The following PRDM2 variants were observed in gnomAD, a reference collection of about 807,000 sequenced individuals.
PRDM2 encodes PR domain zinc finger protein 2.
A neutral mutation model predicts 130.0 loss-of-function variants in PRDM2; 30 were observed. The observed-to-expected ratio is 0.23, with a 90% CI of 0.17 to 0.31. The LOEUF is 0.31. PRDM2 is among the 10% of genes least tolerant of loss of function. The pLI is 1.00. For missense variants in PRDM2, 2,011 were observed against 2,108.4 expected (o/e 0.95, Z 0.90); for synonymous variants, 871 against 782.4 (o/e 1.11, Z -1.89).
intron 4 of PRDM2, among the ~76,000 whole-genome samples, chr1:13,734,484 A>G (rs1643207678): frequency 6.6e-6 from 1 of 152,190 alleles, no homozygotes; most frequent in African/African-American, 2.4e-5. Flanking sequence ...ATTTTATCCC[A>G]TGTAACAACT....
chr1:13,706,770 G>T (rs77092839), intron 1 of PRDM2, among the ~76,000 whole-genome samples: 1 of 151,782 alleles, frequency 6.6e-6, no homozygotes, highest in African/African-American at 2.4e-5. Flanking sequence ...TTTATTTTGA[G>T]GAAATATACA....
intron 6 of PRDM2, among the ~76,000 whole-genome samples, chr1:13,750,779 T>G (rs1042745292): frequency 2.0e-5 from 3 of 152,022 alleles, no homozygotes; most frequent in African/African-American, 4.8e-5. Flanking sequence ...ATTCCCAGTT[T>G]TTTTTTTTTT....
Position 13,781,225 on chromosome 1 carries a change from C to T in PRDM2, c.3430C>T (p.Leu1144Phe), listed in dbSNP as rs757110696. Reference sequence around the variant, plus strand: ...TTGCAACGTCTGTGAATCACCTTTTCTTTCCATTAAAGATCTAACCAAACA... The same window carrying T: ...TTGCAACGTCTGTGAATCACCTTTTTTTTCCATTAAAGATCTAACCAAACA... ...FVCNVCESPF[L>F]SIKDLTKHLS... The change falls in exon 8 of 10, where the codon CTT becomes TTT. Residue 1144 changes from leucine (L) to phenylalanine (F), a missense_variant. Physicochemically the swap from Leu to Phe is conservative, Grantham distance 22. Transcript: ENST00000311066. This position sits in a 1 kb window ranked among gnomAD's most constrained non-coding sequence, Gnocchi z 6.1. 6.2e-7 allele frequency: 1 copy of T among 1,614,218 alleles called. No homozygotes were observed. The highest frequency in any genetic ancestry group is 1.1e-5 in the South Asian group (1 of 91,076).
At chr1:13,758,338 T>C (rs1311887716) in intron 6 of PRDM2, among the ~76,000 whole-genome samples, 1 of 150,950 alleles carries the variant, frequency 6.6e-6, no homozygotes, top group Non-Finnish European at 1.5e-5. Context: ...TACTAGCTAC[T>C]CGGGAGGCTG....
chr1:13,706,791 A>C (rs1642223779), intron 1 of PRDM2, among the ~76,000 whole-genome samples: 1 of 151,796 alleles, frequency 6.6e-6, no homozygotes, highest in African/African-American at 2.4e-5. Flanking sequence ...TTTTTTTTCC[A>C]AAAAAAGCTT....
intron 8 of PRDM2, among the ~76,000 whole-genome samples, chr1:13,808,241 C>T (rs1257413582): frequency 2.0e-5 from 3 of 152,084 alleles, no homozygotes; most frequent in Non-Finnish European, 2.9e-5. Flanking sequence ...CCTGTAATCC[C>T]CACACTTTGG....
In PRDM2 at chr1:13,823,310, C is replaced by T. The variant is rs1005545337; in HGVS notation, c.*175C>T. 79 of 1,132,308 alleles carry T rather than the reference C, an allele frequency of 7.0e-5. No homozygotes were observed. Among genetic ancestry groups the T allele is most frequent in the Non-Finnish European group, 9.1e-5 (70 of 769,730 alleles). The allele number at this position is 1,132,308 out of a possible 1,614,324, so 70.1% of individuals were successfully genotyped here. On this transcript the variant is annotated 3_prime_UTR_variant, in exon 10 of 10. Coordinates refer to ENST00000311066, the MANE Select transcript of PRDM2 (RefSeq NM_001393986.1). The stretch of plus-strand genomic sequence containing the variant: ...GCGTGCGTGTGTGTTCACGTGTTCT[C>T]GTGCGGGCGCGTGAGTGGTCTTCAA...
intron 8 of PRDM2, among the ~76,000 whole-genome samples, chr1:13,790,384 G>T (rs1644820283): frequency 1.3e-5 from 2 of 152,142 alleles, no homozygotes; most frequent in Admixed American, 6.5e-5. Context: ...GGGCATCAGG[G>T]TTATTCTGAA....
At position 13,781,226 on chromosome 1, in the gene PRDM2, T is replaced by C; in HGVS notation, c.3431T>C (p.Leu1144Pro). 1 of 1,614,240 alleles carries C rather than the reference T, an allele frequency of 6.2e-7. No homozygotes were observed. Among genetic ancestry groups the C allele is most frequent in the Non-Finnish European group, 8.5e-7 (1 of 1,180,038 alleles). Residue 1144 changes from leucine (L) to proline (P), a missense_variant, in exon 8 of 10, where the codon CTT becomes CCT. This residue lies in a region of PRDM2 where 229 missense variants were observed against 364.1 expected (regional missense o/e 0.63). Coordinates refer to ENST00000311066, the MANE Select transcript of PRDM2 (RefSeq NM_001393986.1). The surrounding 1 kb of genome is among the most constrained non-coding windows in gnomAD (Gnocchi z 6.1). The stretch of plus-strand genomic sequence containing the variant: ...TGCAACGTCTGTGAATCACCTTTTC[T>C]TTCCATTAAAGATCTAACCAAACAT... ...FVCNVCESPF[L>P]SIKDLTKHLS... is the part of the protein sequence containing the mutation.
chr1:13,707,821 C>CTT (rs200792048), intron 1 of PRDM2, among the ~76,000 whole-genome samples: 5 of 138,312 alleles, frequency 3.6e-5, no homozygotes, highest in South Asian at 2.3e-4. Flanking sequence ...GACAATAATT[C>CTT]TTTTTTTTTT....
At chr1:13,715,369 A>G (rs1409870271) in intron 1 of PRDM2, among the ~76,000 whole-genome samples, 172 bp from the exon 2 acceptor site, 8 of 152,238 alleles carry the variant, frequency 5.3e-5, no homozygotes, top group Admixed American at 5.2e-4. Flanking sequence ...AATCTATTTT[A>G]CTGGAGATAA....
chr1:13,803,063 C>T lies in PRDM2; in HGVS notation c.5037-13364C>T, dbSNP rs1318175612. Among the ~76,000 whole-genome samples, 1 of 152,172 alleles carries T rather than the reference C, an allele frequency of 6.6e-6. No individual in the cohort carries two copies. Among genetic ancestry groups the T allele is most frequent in the Non-Finnish European group, 1.5e-5 (1 of 68,024 alleles). On this transcript the variant is annotated intron_variant, in intron 8 of 9. Transcript: ENST00000311066. This position sits in a 1 kb window ranked among gnomAD's most constrained non-coding sequence, Gnocchi z 6.2. Reference sequence around the variant, plus strand: ...GTGTTTCCAGCCGAGGTGACATTCTCCAGACTTGAACCCCTGTGCTGAATG... The same window carrying T: ...GTGTTTCCAGCCGAGGTGACATTCTTCAGACTTGAACCCCTGTGCTGAATG...
intron 6 of PRDM2, among the ~76,000 whole-genome samples, chr1:13,772,652 GC>G (rs1199683476): frequency 1.3e-5 from 2 of 152,108 alleles, no homozygotes; most frequent in Admixed American, 6.5e-5. Flanking sequence ...AGCTAAAAGG[GC>G]CCCAAGTTAT....
intron 8 of PRDM2, among the ~76,000 whole-genome samples, chr1:13,793,755 C>T (rs79712323): frequency 1.3e-5 from 2 of 151,968 alleles, no homozygotes; most frequent in Non-Finnish European, 2.9e-5. Flanking sequence ...TTCCCTGGCC[C>T]ACGTTGGAAG....
At chr1:13,769,037 A>T in intron 6 of PRDM2, 1 of 661,446 alleles carries the variant, frequency 1.5e-6, no homozygotes, top group Non-Finnish European at 1.9e-6. Context: ...TCATGCACAT[A>T]GTGTTGTCCT....
intron 6 of PRDM2, among the ~76,000 whole-genome samples, chr1:13,759,291 A>C (rs1356454625): frequency 2.6e-5 from 4 of 152,164 alleles, no homozygotes; most frequent in Admixed American, 2.0e-4. Flanking sequence ...AATGAAGGCA[A>C]ACTGGTTTGT....
At position 13,769,050 on chromosome 1, in the gene PRDM2, C is replaced by G. The variant is rs138399527; in HGVS notation, c.512-4028C>G. ...CCTCATGCACATAGTGTTGTCCTGT[C>G]CCTCTGCTGTTCCTTGTCATCATTT... On this transcript the variant is annotated intron_variant, in intron 6 of 9. Transcript: ENST00000311066. 1.0e-4 allele frequency: 80 copies of G among 778,362 alleles called. No homozygotes were observed. The African/African-American group carries it at 1.4e-3, about 13-fold the overall frequency. 48.2% of individuals were successfully genotyped at this position (778,362 alleles called of 1,614,324 possible).
At chr1:13,741,968 T>C in intron 4 of PRDM2, 37 bp from the exon 5 acceptor site, 1 of 1,498,246 alleles carries the variant, frequency 6.7e-7, no homozygotes, top group Non-Finnish European at 9.2e-7. Context: ...GATACTCCTA[T>C]TTTAACAAAA....
chr1:13,749,008 C>T (rs542373120), intron 5 of PRDM2, among the ~76,000 whole-genome samples: 121 of 152,354 alleles, frequency 7.9e-4, no homozygotes, highest in African/African-American at 2.9e-3. Context: ...CATTTCTCCT[C>T]GACTTAGATT....
Sources: allele counts gnomAD v4.1 joint callset (sites outside exome capture counted in the v4.1 genomes callset), GRCh38; gene constraint gnomAD v4.1.1; regional missense constraint gnomAD v4.1.1; non-coding constraint Gnocchi (gnomAD v3.1); transcripts MANE v1.5; gene names NCBI Gene and HGNC (gene_info 2026-07-23, HGNC 2026-07-21).